The following ADNP variants were observed in gnomAD, a reference collection of about 807,000 sequenced individuals.
ADNP encodes the protein activity dependent neuroprotector homeobox, also known as activity-dependent neuroprotector homeobox protein.
ADNP carries 4 observed loss-of-function variants against 84.9 expected under a neutral mutation model. That is an observed-to-expected ratio of 0.05 (90% CI 0.02 to 0.11). The LOEUF (loss-of-function observed/expected upper bound fraction) is 0.11, where lower values mean the gene tolerates loss of function less well. Among genes scored for constraint, ADNP ranks in the 10% least tolerant of loss-of-function variants. ADNP has a pLI of 1.00. For synonymous variants in ADNP, 554 were observed against 468.1 expected (o/e 1.18, Z -2.37); for missense variants, 1,132 against 1,326.0 (o/e 0.85, Z 2.27).
intron 1 of ADNP, among the ~76,000 whole-genome samples, chr20:50,930,079 G>C (rs1176566522): frequency 3.9e-5 from 6 of 152,022 alleles, no homozygotes; most frequent in Non-Finnish European, 8.8e-5. Context: ...CCAGAGGAAA[G>C]AAGAGGTGAA....
chr20:50,906,974 T>TG lies in ADNP; in HGVS notation c.-89-2126_-89-2125insC, dbSNP rs1400203473. 4.1e-5 allele frequency among the ~76,000 whole-genome samples: 4 copies of TG among 96,760 alleles called. No individual in the cohort carries two copies. In the East Asian group the frequency reaches 1.3e-3, roughly 32 times the overall value. 63.5% of individuals were successfully genotyped at this position (96,760 alleles called of 152,430 possible). On this transcript the variant is annotated intron_variant, in intron 2 of 5. Transcript: ENST00000621696. The stretch of plus-strand genomic sequence containing the variant: ...GAGACAGGGTTCCAGTTTTTTTTTT[T>TG]TGTTTTTTTTTTTGAGACAGTCTCG...
chr20:50,916,180 C>A (rs1351979279), intron 2 of ADNP, among the ~76,000 whole-genome samples: 1 of 152,128 alleles, frequency 6.6e-6, no homozygotes, highest in Non-Finnish European at 1.5e-5. Context: ...CTAAATATAG[C>A]ATTCTTTACA....
intron 1 of ADNP, among the ~76,000 whole-genome samples, chr20:50,930,594 CAGG>C (rs1281172099): frequency 6.6e-6 from 1 of 152,036 alleles, no homozygotes; most frequent in Non-Finnish European, 1.5e-5. Context: ...GGTCGGGCTG[CAGG>C]AGGAGGCGCC....
intron 5 of ADNP, among the ~76,000 whole-genome samples, chr20:50,898,696 T>A (rs1042216058): frequency 6.6e-6 from 1 of 152,180 alleles, no homozygotes; most frequent in Non-Finnish European, 1.5e-5. Flanking sequence ...GGATTTTGTA[T>A]GCTTAGGGGC....
chr20:50,904,119 T>C (rs1481752249), intron 3 of ADNP, 118 bp from the exon 4 acceptor site: 3 of 713,644 alleles, frequency 4.2e-6, no homozygotes, highest in Non-Finnish European at 7.1e-6. Flanking sequence ...TGCATAGATA[T>C]CCTCATCTAG....
intron 2 of ADNP, chr20:50,909,388 A>AAAAAAAAAAAAAAAAAAAAC (rs1982822391): frequency 6.7e-6 from 1 of 149,874 alleles, no homozygotes; most frequent in Non-Finnish European, 1.5e-5. Context: ...AAAAAAAAAA[A>AAAAAAAAAAAAAAAAAAAAC]AAAAAGAAAT....
chr20:50,905,269 C>T (rs1214771819), intron 2 of ADNP: 1 of 152,030 alleles, frequency 6.6e-6, no homozygotes, highest in Admixed American at 6.6e-5. Context: ...TTTAATAATC[C>T]AAATCTAACA....
At position 50,891,759 on chromosome 20, in the gene ADNP, CTCAAAG is replaced by C; in HGVS notation, c.2949_2954del (p.Asp983_Phe984del). ...CTGGTTTCATTTCGCAGGTATTGTC[CTCAAAG>C]TCTGACACTTGTTGGGATCCAGGCC... On this transcript the variant is annotated inframe_deletion, in exon 6 of 6. Transcript: ENST00000621696. 1.2e-6 allele frequency: 2 copies of C among 1,614,198 alleles called. No homozygotes were observed. The highest frequency in any genetic ancestry group is 1.7e-6 in the Non-Finnish European group (2 of 1,180,038).
At chr20:50,922,764 G>A (rs1402119443) in intron 2 of ADNP, among the ~76,000 whole-genome samples, 2 of 151,828 alleles carry the variant, frequency 1.3e-5, no homozygotes, top group Non-Finnish European at 2.9e-5. Context: ...TGTATTTTTA[G>A]TAGAGATGGG....
chr20:50,902,211 G>T, intron 4 of ADNP, 102 bp from the exon 5 acceptor site: 1 of 822,382 alleles, frequency 1.2e-6, no homozygotes, highest in South Asian at 1.6e-5. Context: ...GAGAGGCACA[G>T]GAAAACCAAC....
In ADNP at chr20:50,923,807, C is replaced by T. The variant is rs118030936; in HGVS notation, c.-90+4844G>A. 1.4e-4 allele frequency among the ~76,000 whole-genome samples: 21 copies of T among 152,280 alleles called. No individual in the cohort carries two copies. The East Asian group carries it at 3.1e-3, about 22-fold the overall frequency. ...TGCTGGGATTACAGATGTAAGCCAC[C>T]GCACCCATCCTCTTGTTGCTGTTTT... is the stretch of plus-strand genomic sequence containing the variant. On this transcript the variant is annotated intron_variant, in intron 2 of 5. Transcript: ENST00000621696.
In ADNP at chr20:50,893,883, G is replaced by A; in HGVS notation, c.831C>T (p.Asp277=). The part of the protein sequence containing the change: ...PLMLIAPKPQ[D]KKSMGLPPRI... ...TTGGTGGGAGTCCCATGCTCTTCTT[G>A]TCTTGAGGTTTGGGAGCAATTAGCA... Residue 277 remains aspartate, a synonymous_variant, in exon 6 of 6, where the codon GAC becomes GAT. Coordinates refer to ENST00000621696, the MANE Select transcript of ADNP (RefSeq NM_001282531.3). This position sits in a 1 kb window ranked among gnomAD's most constrained non-coding sequence, Gnocchi z 4.4. The A allele has an allele frequency of 1.2e-6, 2 of 1,614,168 alleles. No homozygotes were observed. The highest frequency in any genetic ancestry group is 1.7e-6 in the Non-Finnish European group (2 of 1,180,020).
chr20:50,919,469 C>A (rs1983790111), intron 2 of ADNP, among the ~76,000 whole-genome samples: 1 of 151,882 alleles, frequency 6.6e-6, no homozygotes, highest in African/African-American at 2.4e-5. Context: ...GTTTTTTTCC[C>A]TGCTGTATCT....
Position 50,889,642 on chromosome 20 carries a change from A to G in ADNP, c.*1763T>C, listed in dbSNP as rs1980447165. On this transcript the variant is annotated 3_prime_UTR_variant, in exon 6 of 6. Transcript: ENST00000621696. ...AGAAGTTATGGACATCAGCCACTTC[A>G]GACTTCTTTAGGCCACTATCCTTGA... 1 of 378,446 alleles carries G rather than the reference A, an allele frequency of 2.6e-6. No individual in the cohort carries two copies. The highest frequency in any genetic ancestry group is 1.5e-4 in the South Asian group (1 of 6,844). The allele number at this position is 378,446 out of a possible 1,614,324, so 23.4% of individuals were successfully genotyped here. A position where few individuals can be genotyped will look rare whatever the true frequency, so the allele number is the denominator to read the frequency against.
chr20:50,903,818 T>C (rs1412647872), intron 4 of ADNP, 71 bp downstream of exon 4: 3 of 1,149,654 alleles, frequency 2.6e-6, no homozygotes, highest in African/African-American at 3.1e-5. Flanking sequence ...TTTAGCCATC[T>C]TGGCCACTGA....
At chr20:50,911,510 C>T (rs1175623584) in intron 2 of ADNP, among the ~76,000 whole-genome samples, 18 of 141,916 alleles carry the variant, frequency 1.3e-4, no homozygotes, top group Middle Eastern at 3.6e-3. Flanking sequence ...CTTTTCTTTT[C>T]TTTTTTTTTT....
In ADNP at chr20:50,891,823, T is replaced by G. The variant is rs1383289127; in HGVS notation, c.2891A>C (p.Glu964Ala). ...AGATGGAGAAGCACCGTCTTTCCAC[T>G]CAACAACATCGTCTTGGTCAACCTC... is the stretch of plus-strand genomic sequence containing the variant. Reference protein sequence around the residue: ...DSEVDQDDVVEWKDGASPSES... With the variant: ...DSEVDQDDVVAWKDGASPSES... Residue 964 changes from glutamate (E) to alanine (A), a missense_variant, in exon 6 of 6, where the codon GAG becomes GCG. Transcript: ENST00000621696. 11 of 1,614,086 alleles carry G rather than the reference T, an allele frequency of 6.8e-6. No individual in the cohort carries two copies. The highest frequency in any genetic ancestry group is 8.5e-6 in the Non-Finnish European group (10 of 1,180,036).
intron 5 of ADNP, among the ~76,000 whole-genome samples, chr20:50,900,279 C>G (rs1248599734): frequency 6.6e-6 from 1 of 152,066 alleles, no homozygotes; most frequent in Non-Finnish European, 1.5e-5. Flanking sequence ...TAGTAACATG[C>G]CATACAAGTT....
chr20:50,912,699 T>G (rs1460211887), intron 2 of ADNP, among the ~76,000 whole-genome samples: 1 of 152,242 alleles, frequency 6.6e-6, no homozygotes, highest in African/African-American at 2.4e-5. Context: ...GTTTGATGGC[T>G]ATAGCAGAAT....
Sources: gnomAD v4.1 joint callset for allele counts (sites outside exome capture counted in the v4.1 genomes callset) on GRCh38, gnomAD v4.1.1 for gene constraint, Gnocchi (gnomAD v3.1) non-coding constraint, MANE v1.5 for transcripts, NCBI Gene and HGNC (gene_info 2026-07-23, HGNC 2026-07-21) for gene names.